The following KCMF1 variants were observed in gnomAD, a reference collection of about 807,000 sequenced individuals.
The protein encoded by KCMF1 is E3 ubiquitin-protein ligase KCMF1.
In KCMF1, 3 loss-of-function variants were observed where a neutral mutation model predicts 41.1. The observed-to-expected ratio is 0.07, with a 90% CI of 0.03 to 0.19. The LOEUF (loss-of-function observed/expected upper bound fraction) is 0.19, where lower values mean the gene tolerates loss of function less well. Among genes scored for constraint, KCMF1 ranks in the 10% least tolerant of loss-of-function variants. The probability of loss-of-function intolerance (pLI) is 1.00; values close to 1 mark genes in which losing one functional copy is unlikely to be tolerated. For missense variants in KCMF1, 286 were observed against 488.9 expected, an observed-to-expected ratio of 0.58 and a Z score of 3.91; for synonymous variants, 142 against 164.5, an observed-to-expected ratio of 0.86 and a Z score of 1.04.
chr2:84,980,535 A>G (rs1333040545), intron 1 of KCMF1, among the ~76,000 whole-genome samples: 2 of 152,186 alleles, frequency 1.3e-5, no homozygotes, highest in African/African-American at 4.8e-5. Flanking sequence ...TTTGTTAACC[A>G]TGGTAACTGC....
chr2:84,986,780 G>T (rs1673910775), intron 1 of KCMF1, among the ~76,000 whole-genome samples: 1 of 152,124 alleles, frequency 6.6e-6, no homozygotes. Context: ...TACTCGGGAG[G>T]CTGAGGCAGG....
chr2:84,993,044 G>A (rs191317664), intron 1 of KCMF1, among the ~76,000 whole-genome samples: 2 of 152,014 alleles, frequency 1.3e-5, no homozygotes, highest in East Asian at 1.9e-4. Flanking sequence ...ATATTAAGCC[G>A]GGCATGGTGG....
chr2:85,048,875 G>T lies in KCMF1; in HGVS notation c.602-491G>T, dbSNP rs151322068. Among the ~76,000 whole-genome samples the T allele has an allele frequency of 7.9e-5, 12 of 152,312 alleles. No individual in the cohort carries two copies. In the East Asian group the frequency reaches 2.3e-3, roughly 29 times the overall value. On this transcript the variant is annotated intron_variant, in intron 5 of 6. Transcript: ENST00000409785. Reference sequence around the variant, plus strand: ...GTGTGCAAGGGCCACCATCAGAAATGATCCAGGCCTCTTGGACTGAATCCT... The same window carrying T: ...GTGTGCAAGGGCCACCATCAGAAATTATCCAGGCCTCTTGGACTGAATCCT...
chr2:85,022,397 C>T (rs753436072), intron 1 of KCMF1, among the ~76,000 whole-genome samples: 1 of 152,086 alleles, frequency 6.6e-6, no homozygotes, highest in Non-Finnish European at 1.5e-5. Flanking sequence ...TTGCTTAAAT[C>T]CAGGAGGTCG....
At chr2:85,002,717 T>C (rs1674364885) in intron 1 of KCMF1, among the ~76,000 whole-genome samples, 1 of 151,978 alleles carries the variant, frequency 6.6e-6, no homozygotes, top group South Asian at 2.1e-4. Flanking sequence ...GAGAACTGAG[T>C]GTACTGCCTC....
intron 3 of KCMF1, among the ~76,000 whole-genome samples, chr2:85,037,720 T>G (rs1182220012): frequency 1.3e-5 from 2 of 152,258 alleles, no homozygotes; most frequent in East Asian, 3.8e-4. Context: ...ATGCTCTGTT[T>G]GCTATCTTGC....
chr2:85,034,688 C>T (rs867424558), intron 2 of KCMF1, among the ~76,000 whole-genome samples: 1 of 152,206 alleles, frequency 6.6e-6, no homozygotes, highest in Non-Finnish European at 1.5e-5. Flanking sequence ...GTGGCATGAT[C>T]TCGGCTCACT....
At chr2:84,975,360 G>C (rs1352002586) in intron 1 of KCMF1, among the ~76,000 whole-genome samples, 5 of 152,170 alleles carry the variant, frequency 3.3e-5, no homozygotes, top group African/African-American at 1.2e-4. Flanking sequence ...AGTCTAGAAG[G>C]GGCCCAGTCA....
chr2:85,031,517 C>T (rs1159227880), intron 2 of KCMF1, among the ~76,000 whole-genome samples: 1 of 152,104 alleles, frequency 6.6e-6, no homozygotes, highest in Non-Finnish European at 1.5e-5. Flanking sequence ...CAATAAATTA[C>T]ATAAAATAGG....
rs1248661626 is a variant in KCMF1, at chr2:84,971,414, A to G, written c.-38A>G. Reference sequence around the variant, plus strand: ...ACCCCGCGGGGGACACTGCAGCCGGAGCCCGGGAGGGGCCGCGCCGCCACC... The same window carrying G: ...ACCCCGCGGGGGACACTGCAGCCGGGGCCCGGGAGGGGCCGCGCCGCCACC... On this transcript the variant is annotated 5_prime_UTR_variant, in exon 1 of 7. Coordinates refer to ENST00000409785, the MANE Select transcript of KCMF1 (RefSeq NM_020122.5). 8.4e-7 allele frequency: 1 copy of G among 1,186,126 alleles called. No homozygotes were observed. Among genetic ancestry groups the G allele is most frequent in the Non-Finnish European group, 1.1e-6 (1 of 944,706 alleles). The allele number at this position is 1,186,126 out of a possible 1,614,324, so 73.5% of individuals were successfully genotyped here. A position where few individuals can be genotyped will look rare whatever the true frequency, so the allele number is the denominator to read the frequency against.
At chr2:85,039,777 CTG>C (rs1448331988) in intron 3 of KCMF1, among the ~76,000 whole-genome samples, 2 of 152,128 alleles carry the variant, frequency 1.3e-5, no homozygotes, top group African/African-American at 4.8e-5. Flanking sequence ...AGAGACGACA[CTG>C]AGAACAGCAA....
rs138109475 is a variant in KCMF1, at chr2:84,978,867, C to G, written c.16+7400C>G. 3.6e-4 allele frequency among the ~76,000 whole-genome samples: 55 copies of G among 152,232 alleles called. 1 individual carries two copies. Among genetic ancestry groups the G allele is most frequent in the African/African-American group, 1.3e-3 (53 of 41,536 alleles). ...AGTAGCTGGGATTACAGGCATGCGC[C>G]ACCATGTCTGGCTCATTTTGTGTTT... On this transcript the variant is annotated intron_variant, in intron 1 of 6. Coordinates refer to ENST00000409785, the MANE Select transcript of KCMF1 (RefSeq NM_020122.5).
intron 4 of KCMF1, among the ~76,000 whole-genome samples, chr2:85,044,525 G>A (rs532870438): frequency 4.6e-5 from 7 of 152,050 alleles, no homozygotes; most frequent in South Asian, 2.1e-4. Flanking sequence ...ACAGGTGCCC[G>A]CCACCACACC....
At position 85,004,529 on chromosome 2, in the gene KCMF1, A is replaced by AT. The variant is rs1366068730; in HGVS notation, c.17-23360_17-23359insT. Among the ~76,000 whole-genome samples the AT allele has an allele frequency of 2.6e-5, 4 of 151,432 alleles. No homozygotes were observed. The East Asian group carries it at 7.8e-4, about 30-fold the overall frequency. ...TCCATCTCAAAAAAAAATAATAATA[A>AT]AAAAAAAGAGAAAGCAAAACTTTGG... is the stretch of plus-strand genomic sequence containing the variant. On this transcript the variant is annotated intron_variant, in intron 1 of 6. Transcript: ENST00000409785.
chr2:85,047,626 A>T (rs1005468562), intron 5 of KCMF1, among the ~76,000 whole-genome samples: 35 of 151,892 alleles, frequency 2.3e-4, no homozygotes, highest in Admixed American at 2.1e-3. Context: ...CAGTTTTTGA[A>T]CCTGGCCATG....
chr2:85,018,192 T>G (rs545973512), intron 1 of KCMF1, among the ~76,000 whole-genome samples: 54 of 152,264 alleles, frequency 3.5e-4, no homozygotes, highest in African/African-American at 1.3e-3. Flanking sequence ...AACCTTATGA[T>G]GTAGCTTGTT....
chr2:84,993,970 CAG>C (rs1385529888), intron 1 of KCMF1, among the ~76,000 whole-genome samples: 3 of 147,192 alleles, frequency 2.0e-5, no homozygotes, highest in Non-Finnish European at 4.5e-5. Context: ...TTGTTTGAGA[CAG>C]AGTCTTGCTC....
chr2:85,010,201 G>T (rs1471615704), intron 1 of KCMF1, among the ~76,000 whole-genome samples: 14 of 152,198 alleles, frequency 9.2e-5, no homozygotes. Flanking sequence ...GCCGGGCGTG[G>T]TGGCTCACCC....
chr2:84,978,061 G>A (rs909700168), intron 1 of KCMF1, among the ~76,000 whole-genome samples: 7 of 151,046 alleles, frequency 4.6e-5, no homozygotes. Context: ...GCAATGAGGC[G>A]ATCTCAACTC....
Sources: allele counts gnomAD v4.1 joint callset (sites outside exome capture counted in the v4.1 genomes callset), GRCh38; gene constraint gnomAD v4.1.1; transcripts MANE v1.5; gene names NCBI Gene and HGNC (gene_info 2026-07-23, HGNC 2026-07-21).